The following RHOBTB1 variants were observed in gnomAD, a reference collection of about 807,000 sequenced individuals.
RHOBTB1 encodes the protein rho-related BTB domain-containing protein 1.
A neutral mutation model predicts 71.6 loss-of-function variants in RHOBTB1; 40 were observed. The observed-to-expected ratio is 0.56, with a 90% CI of 0.43 to 0.73. The LOEUF (loss-of-function observed/expected upper bound fraction) is 0.73, where lower values mean the gene tolerates loss of function less well. RHOBTB1 is among the 30% of genes least tolerant of loss of function. The pLI is 0.00. For missense variants in RHOBTB1, 797 were observed against 894.0 expected, an observed-to-expected ratio of 0.89 and a Z score of 1.38; for synonymous variants, 319 against 334.9, an observed-to-expected ratio of 0.95 and a Z score of 0.52.
intron 1 of RHOBTB1, among the ~76,000 whole-genome samples, chr10:60,998,248 G>A (rs545307634): frequency 5.9e-4 from 90 of 152,116 alleles, no homozygotes; most frequent in Non-Finnish European, 1.2e-3. Flanking sequence ...CCAAGGAAGG[G>A]ACAATATATT....
At chr10:60,889,991 T>G (rs2081835314) in intron 5 of RHOBTB1, among the ~76,000 whole-genome samples, 1 of 152,204 alleles carries the variant, frequency 6.6e-6, no homozygotes, top group Admixed American at 6.5e-5. Context: ...TCATATACAT[T>G]TTTCATGTAA....
At chr10:60,944,795 G>T (rs2134300986), upstream of RHOBTB1, among the ~76,000 whole-genome samples, 1 of 152,330 alleles carries the variant, frequency 6.6e-6, no homozygotes, top group East Asian at 1.9e-4. Flanking sequence ...GCGGCTGCAC[G>T]TGCTGGCTGG....
chr10:60,906,188 G>A (rs2082666907), intron 4 of RHOBTB1, among the ~76,000 whole-genome samples: 1 of 152,180 alleles, frequency 6.6e-6, no homozygotes. Context: ...GGTTCTGAAT[G>A]TTTTTGTTAA....
upstream of RHOBTB1, among the ~76,000 whole-genome samples, chr10:60,948,648 T>C (rs529311356): frequency 6.6e-6 from 1 of 152,334 alleles, no homozygotes; most frequent in East Asian, 1.9e-4. Context: ...CAGAGAAATT[T>C]TGGGGACTAG....
intron 7 of RHOBTB1, 134 bp from the exon 8 acceptor site, chr10:60,878,192 A>G: frequency 1.5e-6 from 1 of 647,476 alleles, no homozygotes; most frequent in Non-Finnish European, 2.7e-6. Flanking sequence ...GAGGCTGTGC[A>G]TAGGAATCCT....
chr10:60,878,017 T>A lies in RHOBTB1; in HGVS notation c.1617A>T (p.Val539=). The A allele has an allele frequency of 6.2e-7, 1 of 1,613,338 alleles. No homozygotes were observed. The highest frequency in any genetic ancestry group is 8.5e-7 in the Non-Finnish European group (1 of 1,179,492). ...ACTGCTTGGTATAGAGATAATCCAATACTGCTTGCATTGATATCTTGTTTA... is the reference window on the plus strand; with the variant it reads ...ACTGCTTGGTATAGAGATAATCCAAAACTGCTTGCATTGATATCTTGTTTA... ...PNINKISMQA[V]LDYLYTKQLS... is the part of the protein sequence containing the mutation. Residue 539 remains valine (V), a synonymous_variant, in exon 8 of 11, where the codon GTA becomes GTT. Coordinates refer to ENST00000337910, the MANE Select transcript of RHOBTB1 (RefSeq NM_014836.5).
At chr10:60,915,460 G>A (rs192541820) in intron 2 of RHOBTB1, among the ~76,000 whole-genome samples, 5 of 152,102 alleles carry the variant, frequency 3.3e-5, no homozygotes. Context: ...AAAAAGAAAA[G>A]CCTGAAAGAA....
upstream of RHOBTB1, among the ~76,000 whole-genome samples, chr10:60,946,437 G>A (rs576301321): frequency 4.3e-4 from 65 of 152,274 alleles, no homozygotes; most frequent in African/African-American, 1.4e-3. Context: ...GGGGGGCACA[G>A]GGCTGAGTGG....
Position 60,963,099 on chromosome 10 carries a change from T to G in RHOBTB1, c.-61-21245A>C, listed in dbSNP as rs142946112. On this transcript the variant is annotated intron_variant, in intron 2 of 11. Coordinates refer to the RHOBTB1 transcript ENST00000357917. ...GTATAATTTGCAACCAAAGCAATCT[T>G]CATAAACAAGTGATCACATAAACAA... Among the ~76,000 whole-genome samples, 785 of 152,230 alleles carry G rather than the reference T, an allele frequency of 5.2e-3. 1 individual carries two copies. Among genetic ancestry groups the G allele is most frequent in the Non-Finnish European group, 7.0e-3 (479 of 68,000 alleles).
chr10:60,893,122 AGATATT>A, intron 4 of RHOBTB1, 127 bp from the exon 5 acceptor site: 1 of 707,800 alleles, frequency 1.4e-6, no homozygotes, highest in Non-Finnish European at 2.3e-6. Context: ...AAAAAAGACC[AGATATT>A]AAAAAACATC....
upstream of RHOBTB1, among the ~76,000 whole-genome samples, chr10:60,949,165 G>A (rs899845116): frequency 2.6e-5 from 4 of 152,130 alleles, no homozygotes; most frequent in African/African-American, 9.7e-5. Context: ...ACCTTATTGC[G>A]TTCAGTCACT....
chr10:60,963,220 A>T (rs1348444804), intron 2 of RHOBTB1, among the ~76,000 whole-genome samples: 1 of 152,176 alleles, frequency 6.6e-6, no homozygotes, highest in East Asian at 1.9e-4. Context: ...CCTCCGCTCC[A>T]TACAGAGACC....
At chr10:60,988,258 A>G (rs368731790) in intron 1 of RHOBTB1, among the ~76,000 whole-genome samples, 4 of 152,126 alleles carry the variant, frequency 2.6e-5, no homozygotes, top group African/African-American at 2.4e-5. Context: ...TTTAACACAC[A>G]GTTATATTTA....
At chr10:60,886,523 A>G (rs745511827) in intron 6 of RHOBTB1, among the ~76,000 whole-genome samples, 3 of 152,102 alleles carry the variant, frequency 2.0e-5, no homozygotes, top group Non-Finnish European at 4.4e-5. Flanking sequence ...AACTTCAAGC[A>G]TATAAAACAG....
At chr10:60,985,232 AG>A (rs57915354) in intron 2 of RHOBTB1, among the ~76,000 whole-genome samples, 78,640 of 152,072 alleles carry the variant, frequency 0.52, 20,677 homozygotes, top group East Asian at 0.77. Flanking sequence ...GGGTGGACAA[AG>A]GAGAGTAAAC....
chr10:60,962,530 G>A (rs2085818706), intron 2 of RHOBTB1, among the ~76,000 whole-genome samples: 1 of 152,044 alleles, frequency 6.6e-6, no homozygotes, highest in South Asian at 2.1e-4. Context: ...AATATTTGTT[G>A]CTTTTTAGGG....
At chr10:60,991,426 C>T (rs1338790134) in intron 1 of RHOBTB1, among the ~76,000 whole-genome samples, 1 of 136,890 alleles carries the variant, frequency 7.3e-6, no homozygotes, top group Admixed American at 7.8e-5. Flanking sequence ...GGCCTTCCCT[C>T]AGTACTTTTT....
At chr10:60,919,750 T>A (rs1199689493) in intron 2 of RHOBTB1, among the ~76,000 whole-genome samples, 1 of 152,216 alleles carries the variant, frequency 6.6e-6, no homozygotes, top group Non-Finnish European at 1.5e-5. Context: ...TTTTACTACA[T>A]CCGCTCATGA....
At chr10:60,892,669 A>G (rs2081979021) in intron 5 of RHOBTB1, 141 bp downstream of exon 5, 1 of 657,658 alleles carries the variant, frequency 1.5e-6, no homozygotes, top group Admixed American at 3.5e-5. Context: ...ACTCCTCATG[A>G]TTTATGGGCT....
Sources: allele counts gnomAD v4.1 joint callset (sites outside exome capture counted in the v4.1 genomes callset), GRCh38; gene constraint gnomAD v4.1.1; transcripts MANE v1.5; gene names NCBI Gene and HGNC (gene_info 2026-07-23, HGNC 2026-07-21).